Variants in DAB1 observed in about 807,000 individuals in gnomAD.
DAB1 encodes the protein disabled homolog 1.
DAB1 carries 15 observed loss-of-function variants against 64.6 expected under a neutral mutation model. That is an observed-to-expected ratio of 0.23 (90% CI 0.16 to 0.36). DAB1 has a LOEUF of 0.36. Among genes scored for constraint, DAB1 ranks in the 10% least tolerant of loss-of-function variants. The pLI is 1.00. For missense variants in DAB1, 596 were observed against 706.7 expected (o/e 0.84, Z 1.78); for synonymous variants, 235 against 251.9 (o/e 0.93, Z 0.64).
At chr1:58,109,079 A>G (rs1167361039) in intron 5 of DAB1, among the ~76,000 whole-genome samples, 1 of 152,242 alleles carries the variant, frequency 6.6e-6, no homozygotes, top group Non-Finnish European at 1.5e-5. Context: ...ATTAAAAAAC[A>G]AGGTGGAACC....
chr1:58,129,686 T>A (rs1305365418), intron 5 of DAB1, among the ~76,000 whole-genome samples: 1 of 147,028 alleles, frequency 6.8e-6, no homozygotes, highest in Non-Finnish European at 1.5e-5. Context: ...TCAAAGAACA[T>A]CTTTATTTCT....
Position 58,099,560 on chromosome 1 carries a change from C to A in DAB1, n.387+50951G>T, listed in dbSNP as rs1651187713. 1.3e-5 allele frequency among the ~76,000 whole-genome samples: 2 copies of A among 152,136 alleles called. 1 individual carries two copies. Among genetic ancestry groups the A allele is most frequent in the African/African-American group, 4.8e-5 (2 of 41,404 alleles). ...TATGCGCCAGGCAGGTGTGAGGGCA[C>A]AATACTTAAACAGCATGGCACAGGC... is the stretch of plus-strand genomic sequence containing the variant. On this transcript the variant is annotated intron_variant and non_coding_transcript_variant, in intron 5 of 20. Coordinates refer to the DAB1 transcript ENST00000485760.
intron 7 of DAB1, among the ~76,000 whole-genome samples, chr1:57,561,270 A>G (rs1465069830): frequency 6.6e-6 from 1 of 152,210 alleles, no homozygotes; most frequent in Non-Finnish European, 1.5e-5. Context: ...GGACAGCTGT[A>G]GCACTACAGC....
chr1:58,191,337 T>G (rs1350804139), intron 4 of DAB1, among the ~76,000 whole-genome samples: 1 of 152,206 alleles, frequency 6.6e-6, no homozygotes, highest in Non-Finnish European at 1.5e-5. Flanking sequence ...TTAGGTACCT[T>G]GCCCAAAGGT....
At chr1:57,212,560 G>T (rs1304669363) in intron 2 of DAB1, among the ~76,000 whole-genome samples, 1 of 151,278 alleles carries the variant, frequency 6.6e-6, no homozygotes, top group Non-Finnish European at 1.5e-5. Flanking sequence ...GTAGAGATGG[G>T]GTTTCACCAT....
chr1:57,429,801 T>C (rs1472364638), intron 7 of DAB1, among the ~76,000 whole-genome samples: 1 of 152,208 alleles, frequency 6.6e-6, no homozygotes, highest in Non-Finnish European at 1.5e-5. Flanking sequence ...TGATGGTATA[T>C]GGGTGAATTT....
chr1:57,062,944 C>A lies in DAB1; in HGVS notation c.664-1G>T. 1 of 1,613,924 alleles carries A rather than the reference C, an allele frequency of 6.2e-7. No homozygotes were observed. Among genetic ancestry groups the A allele is most frequent in the South Asian group, 1.1e-5 (1 of 91,066 alleles). The stretch of plus-strand genomic sequence containing the variant: ...CTTCCTTCTTTTGGCTGGTGGGAAC[C>A]TATGGAAAAATTAAATTCAGCACAG... On this transcript the variant is annotated splice_acceptor_variant, in intron 8 of 14. Transcript: ENST00000371236. LOFTEE classifies it high-confidence loss of function.
At chr1:58,426,646 C>T (rs75119400) in intron 3 of DAB1, among the ~76,000 whole-genome samples, 6,379 of 152,242 alleles carry the variant, frequency 0.042, 229 homozygotes, top group Middle Eastern at 0.075. Flanking sequence ...TGAACCCCTG[C>T]CCTTGTGGAG....
At chr1:58,038,199 G>C (rs1251779487) in intron 5 of DAB1, among the ~76,000 whole-genome samples, 7 of 152,174 alleles carry the variant, frequency 4.6e-5, no homozygotes, top group Non-Finnish European at 1.0e-4. Context: ...AAGTATAGGA[G>C]ACAATTGATG....
intron 4 of DAB1, among the ~76,000 whole-genome samples, chr1:58,303,351 C>T (rs1250214711): frequency 1.3e-5 from 2 of 152,136 alleles, no homozygotes; most frequent in East Asian, 3.8e-4. Flanking sequence ...TCAGTACTTC[C>T]AACATGTTTA....
At position 57,249,368 on chromosome 1, in the gene DAB1, G is replaced by GTTGTTTTGTTTAT. The variant is rs1408111342; in HGVS notation, c.67+41583_67+41595dup. On this transcript the variant is annotated intron_variant, in intron 2 of 14. Transcript: ENST00000371236. ...CAATCATTTTTGTTTGTTTTTTGTT[G>GTTGTTTTGTTTAT]TTGTTTTGTTTATTTGTTTTGAGAC... Among the ~76,000 whole-genome samples the GTTGTTTTGTTTAT allele has an allele frequency of 7.2e-5, 11 of 152,106 alleles. 1 individual carries two copies. The East Asian group carries it at 2.1e-3, about 30-fold the overall frequency.
At chr1:57,610,920 A>G (rs1049183618) in intron 7 of DAB1, among the ~76,000 whole-genome samples, 23 of 152,128 alleles carry the variant, frequency 1.5e-4, no homozygotes, top group African/African-American at 5.6e-4. Flanking sequence ...TTTAATTTTC[A>G]GAAGTCAGTG....
intron 3 of DAB1, among the ~76,000 whole-genome samples, chr1:58,372,452 G>T (rs1004801969): frequency 2.6e-5 from 4 of 152,182 alleles, no homozygotes; most frequent in Non-Finnish European, 5.9e-5. Context: ...CTCAGAGGTG[G>T]AAGGGACTTG....
chr1:58,176,394 A>T (rs766595897), intron 4 of DAB1, among the ~76,000 whole-genome samples: 8 of 152,182 alleles, frequency 5.3e-5, no homozygotes, highest in Non-Finnish European at 1.0e-4. Flanking sequence ...ATTATTAAAA[A>T]CTGGGGTTTC....
chr1:57,736,762 T>G (rs1320920348), intron 6 of DAB1, among the ~76,000 whole-genome samples: 1 of 152,164 alleles, frequency 6.6e-6, no homozygotes, highest in Non-Finnish European at 1.5e-5. Context: ...CCTCTCTCAC[T>G]CTTTCCATCT....
At chr1:58,508,905 ACTGGCTTCTGTCT>A (rs1304745378) in intron 2 of DAB1, among the ~76,000 whole-genome samples, 1 of 152,102 alleles carries the variant, frequency 6.6e-6, no homozygotes, top group Non-Finnish European at 1.5e-5. Context: ...TGTCCAAGGG[ACTGGCTTCTGTCT>A]CATCTGTCTT....
chr1:58,489,189 C>T (rs2100368638), intron 3 of DAB1, among the ~76,000 whole-genome samples: 1 of 152,318 alleles, frequency 6.6e-6, no homozygotes, highest in East Asian at 1.9e-4. Flanking sequence ...ATTCCCTTTC[C>T]TAGCCAAGGA....
At chr1:57,610,998 TA>T (rs1167298523) in intron 7 of DAB1, among the ~76,000 whole-genome samples, 1 of 152,194 alleles carries the variant, frequency 6.6e-6, no homozygotes, top group Non-Finnish European at 1.5e-5. Flanking sequence ...TTTTGGACTA[TA>T]AACTCCTGGA....
At position 57,168,284 on chromosome 1, in the gene DAB1, C is replaced by A. The variant is rs369696768; in HGVS notation, c.68-22855G>T. Among the ~76,000 whole-genome samples the A allele has an allele frequency of 4.6e-5, 7 of 152,210 alleles. No homozygotes were observed. The East Asian group carries it at 1.2e-3, about 25-fold the overall frequency. Reference sequence around the variant, plus strand: ...TTCTGATCAATTTTTAAAAATATTTCATCACATAGTTATTGTACATCTACT... The same window carrying A: ...TTCTGATCAATTTTTAAAAATATTTAATCACATAGTTATTGTACATCTACT... On this transcript the variant is annotated intron_variant, in intron 2 of 14. Coordinates refer to ENST00000371236, the MANE Select transcript of DAB1 (RefSeq NM_001365792.1).
Sources: allele counts gnomAD v4.1 joint callset (sites outside exome capture counted in the v4.1 genomes callset), GRCh38; gene constraint gnomAD v4.1.1; transcripts MANE v1.5; gene names NCBI Gene and HGNC (gene_info 2026-07-23, HGNC 2026-07-21).